The following TEX10 variants were observed in gnomAD, a reference collection of about 807,000 sequenced individuals.
The protein encoded by TEX10 is testis-expressed protein 10.
Under a neutral mutation model 104.4 loss-of-function variants are expected in TEX10, and 24 were observed. The observed-to-expected ratio is 0.23, with a 90% CI of 0.17 to 0.32. The LOEUF is 0.32. Among genes scored for constraint, TEX10 ranks in the 10% least tolerant of loss-of-function variants. TEX10 has a pLI of 1.00. For missense variants in TEX10, 921 were observed against 1,083.9 expected, an observed-to-expected ratio of 0.85 and a Z score of 2.11; for synonymous variants, 396 against 393.4, an observed-to-expected ratio of 1.01 and a Z score of -0.08.
At chr9:100,352,601 C>A in intron 1 of TEX10, 171 bp downstream of exon 1, 2 of 1,493,050 alleles carry the variant, frequency 1.3e-6, no homozygotes, top group East Asian at 4.9e-5. Context: ...CCCGCAGTGC[C>A]GGCCGCACAC....
intron 4 of TEX10, among the ~76,000 whole-genome samples, chr9:100,345,717 T>C (rs931376799): frequency 1.3e-5 from 2 of 152,202 alleles, no homozygotes; most frequent in African/African-American, 4.8e-5. Context: ...GACTACTTAA[T>C]AAGCAACTTT....
At position 100,302,937 on chromosome 9, in the gene TEX10, C is replaced by CG. The variant is rs1554732271; in HGVS notation, c.2677-634_2677-633insC. Among the ~76,000 whole-genome samples the CG allele has an allele frequency of 4.3e-4, 49 of 112,954 alleles. No homozygotes were observed. The East Asian group carries it at 7.8e-3, about 18-fold the overall frequency. 74.1% of individuals were successfully genotyped at this position (112,954 alleles called of 152,430 possible). On this transcript the variant is annotated intron_variant, in intron 14 of 14. Transcript: ENST00000374902. ...AGACACTTTTTTAACCGCCCCCCCC[C>CG]CAAACTAAAATCACCAAAGGAATCC...
At position 100,329,331 on chromosome 9, in the gene TEX10, C is replaced by T; in HGVS notation, c.1490-56G>A. The T allele has an allele frequency of 3.2e-6, 5 of 1,568,732 alleles. No homozygotes were observed. In the South Asian group the frequency reaches 6.0e-5, roughly 19 times the overall value. ...GAATCAAAAAATGTTTAACAGCCCC[C>T]AAATTCCTCTGAATGCACCGAAGTA... On this transcript the variant is annotated intron_variant, in intron 6 of 14. Transcript: ENST00000374902.
chr9:100,340,262 A>T lies in TEX10; in HGVS notation c.1245T>A (p.Asn415Lys). Reference sequence around the variant, plus strand: ...GTGAAAAAGAATCATAATACCTTTTATTTGGCTCTTTCCTTTTGTGCTTGG... The same window carrying T: ...GTGAAAAAGAATCATAATACCTTTTTTTTGGCTCTTTCCTTTTGTGCTTGG... ...EITKHKRKEPNKSIKHCTVLS... is the reference protein window; with the variant it reads ...EITKHKRKEPKKSIKHCTVLS... Residue 415 changes from asparagine to lysine, a missense_variant, in exon 5 of 15, where the codon AAT becomes AAA. Physicochemically the swap from Asn to Lys is moderately conservative, Grantham distance 94. This residue lies in a region of TEX10 where 753 missense variants were observed against 868.4 expected (regional missense o/e 0.87). Transcript: ENST00000374902. 2 of 1,542,478 alleles carry T rather than the reference A, an allele frequency of 1.3e-6. No homozygotes were observed. The highest frequency in any genetic ancestry group is 2.5e-5 in the South Asian group (2 of 80,206).
chr9:100,342,991 CA>C (rs945729733), intron 4 of TEX10, among the ~76,000 whole-genome samples: 1 of 151,018 alleles, frequency 6.6e-6, no homozygotes, highest in East Asian at 2.0e-4. Flanking sequence ...ACTAAAAATA[CA>C]AAAAAAATTA....
intron 5 of TEX10, among the ~76,000 whole-genome samples, chr9:100,334,166 A>C: frequency 6.6e-6 from 1 of 152,156 alleles, no homozygotes; most frequent in East Asian, 1.9e-4. Flanking sequence ...GATATCCACT[A>C]AATCCCAAGC....
intron 11 of TEX10, among the ~76,000 whole-genome samples, chr9:100,312,022 A>AT (rs1219092564): frequency 6.6e-6 from 1 of 152,188 alleles, no homozygotes; most frequent in Non-Finnish European, 1.5e-5. Flanking sequence ...TCTCTGTAAA[A>AT]TATCTTGTAG....
At chr9:100,337,365 A>G (rs867391961) in intron 5 of TEX10, among the ~76,000 whole-genome samples, 19 of 152,200 alleles carry the variant, frequency 1.2e-4, no homozygotes, top group African/African-American at 3.4e-4. Context: ...AAACATCTAA[A>G]CCACAATTTA....
chr9:100,331,019 G>A (rs1262168161), intron 5 of TEX10, among the ~76,000 whole-genome samples: 1 of 151,676 alleles, frequency 6.6e-6, no homozygotes, highest in Non-Finnish European at 1.5e-5. Context: ...ACTTTGAGAA[G>A]CCGAGGCAGG....
intron 11 of TEX10, among the ~76,000 whole-genome samples, chr9:100,312,004 A>G (rs1834294868): frequency 6.6e-6 from 1 of 152,200 alleles, no homozygotes; most frequent in African/African-American, 2.4e-5. Flanking sequence ...ACAGATCTAT[A>G]CATTATTTCT....
chr9:100,316,979 T>C (rs950163514), intron 11 of TEX10, among the ~76,000 whole-genome samples: 2 of 141,544 alleles, frequency 1.4e-5, no homozygotes, highest in African/African-American at 5.3e-5. Context: ...AAAACACTGA[T>C]GAAAGAAAAT....
rs1381662874 is a variant in TEX10, at chr9:100,308,516, C to T, written c.2449G>A (p.Glu817Lys). The change falls in exon 13 of 15, where the codon GAA (glutamate) becomes AAA (lysine). Residue 817 changes from glutamate (E) to lysine (K), a missense_variant. By Grantham distance (56) the Glu-to-Lys change is moderately conservative (BLOSUM62 1). Coordinates refer to ENST00000374902, the MANE Select transcript of TEX10 (RefSeq NM_017746.4). ...AATAATTACCTCTTTCTTAGATGTT[C>T]TGCTTCCCCTTTCTCTATAGTGAGC... ...FLLTIEKGEA[E>K]HLRKRDKLWG... 8 of 1,588,284 alleles carry T rather than the reference C, an allele frequency of 5.0e-6. No homozygotes were observed. Among genetic ancestry groups the T allele is most frequent in the Non-Finnish European group, 6.8e-6 (8 of 1,172,124 alleles).
In TEX10 at chr9:100,316,760, T is replaced by A. The variant is rs1834427342; in HGVS notation, c.2202+3505A>T. On this transcript the variant is annotated intron_variant, in intron 11 of 14. Transcript: ENST00000374902. ...AGTACTACAGGTGCATGCCACCATA[T>A]CCAACTAGATGGTATGATCTTATAT... Among the ~76,000 whole-genome samples the A allele has an allele frequency of 7.9e-5, 12 of 152,028 alleles. No individual in the cohort carries two copies. In the South Asian group the frequency reaches 2.5e-3, roughly 32 times the overall value.
In TEX10 at chr9:100,320,366, T is replaced by C; in HGVS notation, c.2101A>G (p.Ser701Gly). The change falls in exon 11 of 15, where the codon AGC becomes GGC. Residue 701 changes from serine to glycine, a missense_variant. By Grantham distance (56) the Ser-to-Gly change is moderately conservative. Coordinates refer to ENST00000374902, the MANE Select transcript of TEX10 (RefSeq NM_017746.4). ...FSKEELTWLQ[S>G]LRGVPHVIQT... ...ATGACATGAGGAACTCCTCGAAGGC[T>C]CTGAAGCCAAGTCAACTCCTCTTTC... is the stretch of plus-strand genomic sequence containing the variant. 6.2e-7 allele frequency: 1 copy of C among 1,611,848 alleles called. No individual in the cohort carries two copies. The highest frequency in any genetic ancestry group is 8.5e-7 in the Non-Finnish European group (1 of 1,178,732).
chr9:100,333,819 A>C (rs2118899498), intron 5 of TEX10, among the ~76,000 whole-genome samples: 1 of 152,320 alleles, frequency 6.6e-6, no homozygotes, highest in East Asian at 1.9e-4. Flanking sequence ...ACCCATGAAA[A>C]TAGTCAACTG....
chr9:100,339,044 G>A (rs1011605620), intron 5 of TEX10, among the ~76,000 whole-genome samples: 3 of 150,910 alleles, frequency 2.0e-5, no homozygotes, highest in Non-Finnish European at 4.4e-5. Flanking sequence ...ACTTGAGGTC[G>A]GGAGTTCAAG....
chr9:100,329,791 G>C, intron 6 of TEX10, 140 bp downstream of exon 6: 1 of 746,322 alleles, frequency 1.3e-6, no homozygotes, highest in Non-Finnish European at 2.2e-6. Context: ...TGTTCAAGTA[G>C]ACAGTAGCTA....
intron 11 of TEX10, among the ~76,000 whole-genome samples, chr9:100,313,119 A>G (rs1438611959): frequency 6.6e-6 from 1 of 152,248 alleles, no homozygotes; most frequent in Non-Finnish European, 1.5e-5. Context: ...CTAACAAAAA[A>G]TAAAATTAGC....
chr9:100,321,325 T>C (rs1834566430), intron 10 of TEX10, among the ~76,000 whole-genome samples: 1 of 152,206 alleles, frequency 6.6e-6, no homozygotes, highest in Non-Finnish European at 1.5e-5. Context: ...CAAAGAATCC[T>C]ATCATTATCC....
Sources: allele counts gnomAD v4.1 joint callset (sites outside exome capture counted in the v4.1 genomes callset), GRCh38; gene constraint gnomAD v4.1.1; regional missense constraint gnomAD v4.1.1; transcripts MANE v1.5; gene names NCBI Gene and HGNC (gene_info 2026-07-23, HGNC 2026-07-21).